Variants in VPS13C observed in about 807,000 individuals in gnomAD.
VPS13C encodes vacuolar protein sorting 13 homolog C.
Under a neutral mutation model 456.8 loss-of-function variants are expected in VPS13C, and 358 were observed. The observed-to-expected ratio is 0.78, with a 90% CI of 0.72 to 0.86. The LOEUF (loss-of-function observed/expected upper bound fraction) is 0.86, where lower values mean the gene tolerates loss of function less well. Ranked by LOEUF, VPS13C falls within the 40% of genes least tolerant of loss-of-function variation. The pLI, the probability that VPS13C is intolerant of heterozygous loss-of-function variation, is 0.00. For missense variants in VPS13C, 4,818 were observed against 4,385.4 expected, an observed-to-expected ratio of 1.10 and a Z score of -2.79; for synonymous variants, 1,578 against 1,486.7, an observed-to-expected ratio of 1.06 and a Z score of -1.41.
intron 53 of VPS13C, among the ~76,000 whole-genome samples, 199 bp from the exon 54 acceptor site, chr15:61,922,961 T>C (rs1258941704): frequency 2.0e-5 from 3 of 152,136 alleles, no homozygotes; most frequent in Admixed American, 1.3e-4. Context: ...AAATTATGTG[T>C]CAAGCCAAGT....
intron 79 of VPS13C, among the ~76,000 whole-genome samples, chr15:61,870,562 G>T (rs1894945124): frequency 6.6e-6 from 1 of 151,978 alleles, no homozygotes; most frequent in South Asian, 2.1e-4. Context: ...TCCATCTTTT[G>T]GTTATTTTGA....
chr15:62,029,243 T>C (rs1303430691), intron 5 of VPS13C, among the ~76,000 whole-genome samples: 1 of 152,116 alleles, frequency 6.6e-6, no homozygotes, highest in Non-Finnish European at 1.5e-5. Context: ...GGTTAATTCA[T>C]ATAAAGTATT....
chr15:61,905,398 TAC>T (rs1222331271), intron 66 of VPS13C, among the ~76,000 whole-genome samples: 1 of 152,184 alleles, frequency 6.6e-6, no homozygotes, highest in Non-Finnish European at 1.5e-5. Context: ...GTAAAAAACT[TAC>T]AGTTAAATCT....
chr15:62,034,882 T>C (rs1384224037), intron 4 of VPS13C, 75 bp downstream of exon 4: 6 of 999,076 alleles, frequency 6.0e-6, no homozygotes, highest in African/African-American at 1.7e-5. Context: ...AATAAATGTA[T>C]TAAAATACTT....
chr15:61,949,305 CA>C, intron 42 of VPS13C, 137 bp downstream of exon 42: 1 of 950,736 alleles, frequency 1.1e-6, no homozygotes, highest in Non-Finnish European at 1.6e-6. Context: ...ATAGAGATAA[CA>C]TTTTCTTTCT....
chr15:62,013,558 A>G (rs914122856), intron 10 of VPS13C, among the ~76,000 whole-genome samples: 6 of 152,056 alleles, frequency 3.9e-5, no homozygotes, highest in Non-Finnish European at 5.9e-5. Context: ...GTTTGTTAAC[A>G]TATCTAAAGC....
chr15:61,914,225 C>T (rs1321467562), intron 61 of VPS13C, among the ~76,000 whole-genome samples: 1 of 152,096 alleles, frequency 6.6e-6, no homozygotes, highest in Non-Finnish European at 1.5e-5. Context: ...AAACCATACC[C>T]AGACCTACTG....
rs368728253 is a variant in VPS13C at position 61,977,178 on chromosome 15, C to T, written c.2312G>A (p.Arg771Gln). The T allele has an allele frequency of 7.1e-6, 11 of 1,554,408 alleles. No homozygotes were observed. The highest frequency in any genetic ancestry group is 7.0e-5 in the African/African-American group (5 of 71,698). Reference protein sequence around the residue: ...ARAEETWKKCRFQHPSTMHIL... With the variant: ...ARAEETWKKCQFQHPSTMHIL... Reference sequence around the variant, plus strand: ...ATGCATAGTTGATGGATGCTGAAATCGACACTTTTTCCAGGTTTCCTCTTT... The same window carrying T: ...ATGCATAGTTGATGGATGCTGAAATTGACACTTTTTCCAGGTTTCCTCTTT... The change falls in exon 24 of 85, where the codon CGA (arginine) becomes CAA (glutamine). Residue 771 changes from arginine to glutamine, a missense_variant. Around this residue, in one of 3 missense-constraint regions of VPS13C, gnomAD observed 4,552 missense variants for 4,130.6 expected, o/e 1.10. Transcript: ENST00000644861.
intron 1 of VPS13C, among the ~76,000 whole-genome samples, chr15:62,057,725 T>G (rs2048847044): frequency 6.6e-6 from 1 of 152,192 alleles, no homozygotes; most frequent in African/African-American, 2.4e-5. Flanking sequence ...AAAGAAAGTC[T>G]CCTTTTCTAG....
In VPS13C at chr15:61,960,532, A is replaced by G. The variant is rs571777853; in HGVS notation, c.3909-937T>C. Among the ~76,000 whole-genome samples the G allele has an allele frequency of 3.4e-3, 518 of 152,332 alleles. 2 individuals are homozygous for G. Among genetic ancestry groups the G allele is most frequent in the Non-Finnish European group, 5.8e-3 (392 of 68,028 alleles). On this transcript the variant is annotated intron_variant, in intron 35 of 84. Coordinates refer to ENST00000644861, the MANE Select transcript of VPS13C (RefSeq NM_020821.3). Reference sequence around the variant, plus strand: ...TTTCTAGAATTATATCATAGTTAATATAAGAGAATGAATGTCCTTGTTTAT... The same window carrying G: ...TTTCTAGAATTATATCATAGTTAATGTAAGAGAATGAATGTCCTTGTTTAT...
Position 61,913,388 on chromosome 15 carries a change from A to T in VPS13C, c.8473T>A (p.Trp2825Arg). Residue 2825 changes from tryptophan to arginine, a missense_variant, in exon 62 of 85, where the codon TGG becomes AGG. By Grantham distance (101) the Trp-to-Arg change is moderately radical (BLOSUM62 -3). Around this residue, in one of 3 missense-constraint regions of VPS13C, gnomAD observed 4,552 missense variants for 4,130.6 expected, o/e 1.10. Transcript: ENST00000644861. ...GTATCCAATGAGAAACTACTGGACC[A>T]GGCACTGGTTGAAATTTTTAATTGT... is the stretch of plus-strand genomic sequence containing the variant. ...KVQLKISTSAWSSSFSLDTVG... is the reference protein window; with the variant it reads ...KVQLKISTSARSSSFSLDTVG... 1 of 1,614,060 alleles carries T rather than the reference A, an allele frequency of 6.2e-7. No homozygotes were observed. The highest frequency in any genetic ancestry group is 8.5e-7 in the Non-Finnish European group (1 of 1,179,940).
chr15:62,002,115 A>C (rs1300687718), intron 15 of VPS13C, among the ~76,000 whole-genome samples: 1 of 152,182 alleles, frequency 6.6e-6, no homozygotes, highest in African/African-American at 2.4e-5. Flanking sequence ...CAATGGTTGA[A>C]CTAGTTTACA....
intron 16 of VPS13C, among the ~76,000 whole-genome samples, chr15:61,999,883 G>A (rs1192326398): frequency 7.4e-6 from 1 of 134,920 alleles, no homozygotes; most frequent in African/African-American, 2.8e-5. Flanking sequence ...GGAAGGGAAG[G>A]AAGAGGAAAC....
intron 30 of VPS13C, among the ~76,000 whole-genome samples, chr15:61,965,672 CCT>C (rs1452014911): frequency 4.0e-5 from 6 of 151,820 alleles, no homozygotes; most frequent in Non-Finnish European, 7.4e-5. Flanking sequence ...ACATTTTGCC[CCT>C]CTTACTCTAA....
chr15:61,862,683 A>G (rs1386719162), intron 82 of VPS13C, among the ~76,000 whole-genome samples: 2 of 152,182 alleles, frequency 1.3e-5, no homozygotes, highest in African/African-American at 2.4e-5. Flanking sequence ...CTAATGAGCA[A>G]ATCACATGAC....
chr15:61,891,537 C>A (rs1272901499), intron 66 of VPS13C, among the ~76,000 whole-genome samples: 3 of 152,166 alleles, frequency 2.0e-5, no homozygotes, highest in Non-Finnish European at 4.4e-5. Context: ...TCTTAGTTCA[C>A]AGTTATTATT....
rs576939097 is a variant in VPS13C at position 61,968,281 on chromosome 15, AT to A, written c.2912-835del. On this transcript the variant is annotated intron_variant, in intron 28 of 84. Coordinates refer to ENST00000644861, the MANE Select transcript of VPS13C (RefSeq NM_020821.3). Reference sequence around the variant, plus strand: ...ACTTCAGATTGAAATATTAAAAAAAATTAAAAACAATAAAAAATTAAAAATA... The same window carrying A: ...ACTTCAGATTGAAATATTAAAAAAAATAAAAACAATAAAAAATTAAAAATA... 2.2e-4 allele frequency among the ~76,000 whole-genome samples: 33 copies of A among 152,060 alleles called. No homozygotes were observed. The East Asian group carries it at 6.2e-3, about 28-fold the overall frequency.
chr15:61,943,285 A>G (rs1016126384), intron 45 of VPS13C, among the ~76,000 whole-genome samples: 3 of 152,176 alleles, frequency 2.0e-5, no homozygotes, highest in African/African-American at 7.2e-5. Flanking sequence ...ATTCATATGG[A>G]ACCAAAAAAG....
intron 66 of VPS13C, among the ~76,000 whole-genome samples, chr15:61,894,641 C>A (rs1395095173): frequency 1.3e-5 from 2 of 151,548 alleles, no homozygotes; most frequent in Non-Finnish European, 2.9e-5. Flanking sequence ...CAAAAAGAGA[C>A]AAAGTCACTA....
Sources: gnomAD v4.1 joint callset for allele counts (sites outside exome capture counted in the v4.1 genomes callset) on GRCh38, gnomAD v4.1.1 for gene constraint, gnomAD v4.1.1 regional missense constraint, MANE v1.5 for transcripts, NCBI Gene and HGNC (gene_info 2026-07-23, HGNC 2026-07-21) for gene names.